The following MYH15 variants were observed in gnomAD, a reference collection of about 807,000 sequenced individuals.
MYH15 encodes the protein myosin-15.
In MYH15, 227 loss-of-function variants were observed where a neutral mutation model predicts 240.5. The observed-to-expected ratio is 0.94, with a 90% CI of 0.85 to 1.05. The LOEUF is 1.05. Among genes scored for constraint, MYH15 ranks in the 50% least tolerant of loss-of-function variants. The probability of loss-of-function intolerance (pLI) is 0.00; values close to 1 mark genes in which losing one functional copy is unlikely to be tolerated. For missense variants in MYH15, 2,217 were observed against 2,247.5 expected, an observed-to-expected ratio of 0.99 and a Z score of 0.27; for synonymous variants, 785 against 796.7, an observed-to-expected ratio of 0.99 and a Z score of 0.25.
At chr3:108,420,739 A>T (rs938300420) in intron 28 of MYH15, among the ~76,000 whole-genome samples, 10 of 152,196 alleles carry the variant, frequency 6.6e-5, no homozygotes, top group African/African-American at 1.2e-4. Flanking sequence ...TAAAAATTTT[A>T]AAAAATTTAA....
intron 32 of MYH15, among the ~76,000 whole-genome samples, chr3:108,405,892 T>G (rs761861532): frequency 3.5e-4 from 53 of 152,122 alleles, no homozygotes; most frequent in Non-Finnish European, 5.9e-4. Context: ...AGAGGAAAAG[T>G]TGGATGTATT....
At chr3:108,522,329 C>T (rs889886376) in intron 1 of MYH15, among the ~76,000 whole-genome samples, 3 of 151,928 alleles carry the variant, frequency 2.0e-5, no homozygotes, top group Non-Finnish European at 4.4e-5. Flanking sequence ...GGTGTGGTGA[C>T]CCTGGAGATT....
At chr3:108,381,753 G>C (rs2082344967) in intron 40 of MYH15, among the ~76,000 whole-genome samples, 194 bp from the exon 41 acceptor site, 1 of 152,158 alleles carries the variant, frequency 6.6e-6, no homozygotes. Context: ...TTCACCCCAA[G>C]GGCATGCTCG....
intron 39 of MYH15, 28 bp downstream of exon 39, chr3:108,384,659 T>C (rs764909040): frequency 9.4e-6 from 15 of 1,589,796 alleles, no homozygotes; most frequent in Non-Finnish European, 1.3e-5. Context: ...GGGAAATCCA[T>C]GAGGCTGAAA....
At chr3:108,491,615 G>A (rs1423288759) in intron 9 of MYH15, among the ~76,000 whole-genome samples, 2 of 151,762 alleles carry the variant, frequency 1.3e-5, no homozygotes, top group South Asian at 4.2e-4. Context: ...TTCCATCCAA[G>A]TCTCTGCCTC....
At chr3:108,482,774 C>T (rs2083276864) in intron 11 of MYH15, among the ~76,000 whole-genome samples, 1 of 152,064 alleles carries the variant, frequency 6.6e-6, no homozygotes, top group African/African-American at 2.4e-5. Flanking sequence ...TTGTATGGAA[C>T]TTGTTACGTA....
At chr3:108,497,127 G>C (rs941161555) in intron 6 of MYH15, among the ~76,000 whole-genome samples, 4 of 115,350 alleles carry the variant, frequency 3.5e-5, no homozygotes, top group African/African-American at 1.3e-4. Flanking sequence ...CACCACTGCA[G>C]TCCGGCCTGG....
At chr3:108,389,367 A>G (rs2082407018) in intron 37 of MYH15, among the ~76,000 whole-genome samples, 1 of 152,230 alleles carries the variant, frequency 6.6e-6, no homozygotes, top group South Asian at 2.1e-4. Context: ...GTATGAATGT[A>G]TATGTAAGTA....
At chr3:108,430,979 GTAGT>G (rs1321784311) in intron 25 of MYH15, 57 bp from the exon 26 acceptor site, 2 of 1,234,244 alleles carry the variant, frequency 1.6e-6, no homozygotes, top group Admixed American at 3.6e-5. Context: ...TTTGTTTAAA[GTAGT>G]TAGAATTGTA....
chr3:108,463,362 T>A (rs1462092091), intron 15 of MYH15, 119 bp from the exon 16 acceptor site: 1 of 1,078,544 alleles, frequency 9.3e-7, no homozygotes, highest in Non-Finnish European at 1.3e-6. Flanking sequence ...TTATCCAGGC[T>A]AGAATGCAGT....
intron 21 of MYH15, among the ~76,000 whole-genome samples, chr3:108,451,099 G>A (rs2082969794): frequency 6.6e-6 from 1 of 152,188 alleles, no homozygotes; most frequent in Admixed American, 6.5e-5. Flanking sequence ...AAATAATAAG[G>A]CCAGGTACAG....
chr3:108,389,064 A>G lies in MYH15; in HGVS notation c.5441T>C (p.Leu1814Pro). 5 of 1,613,900 alleles carry G rather than the reference A, an allele frequency of 3.1e-6. No homozygotes were observed. Among genetic ancestry groups the G allele is most frequent in the Non-Finnish European group, 4.2e-6 (5 of 1,179,850 alleles). The change falls in exon 38 of 41, where the codon CTG becomes CCG. Residue 1814 changes from leucine to proline, a missense_variant. By Grantham distance (98) the Leu-to-Pro change is moderately conservative. Transcript: ENST00000693548. Reference sequence around the variant, plus strand: ...GATTTCACCCTCCAGTTCACCTTCCAGTTCACGAACCTGCAACCAAAACGT... The same window carrying G: ...GATTTCACCCTCCAGTTCACCTTCCGGTTCACGAACCTGCAACCAAAACGT... ...IQKLESRVRE[L>P]EGELEGEIRR...
chr3:108,445,081 T>A (rs1283919501), intron 21 of MYH15, among the ~76,000 whole-genome samples, 186 bp from the exon 22 acceptor site: 1 of 152,174 alleles, frequency 6.6e-6, no homozygotes, highest in Non-Finnish European at 1.5e-5. Flanking sequence ...ATATCTGGGG[T>A]TAGCAGTATT....
rs761035350 is a variant in MYH15 at position 108,444,688 on chromosome 3, T to G, written c.2607A>C (p.Gln869His). ...EFQREELKAK[Q>H]VSLTQEKNDL... ...CATTTTTTTCCTGAGTGAGGGATACTTGCTTTGCTTTCAGTTCCTCCCTCT... is the reference window on the plus strand; with the variant it reads ...CATTTTTTTCCTGAGTGAGGGATACGTGCTTTGCTTTCAGTTCCTCCCTCT... Residue 869 changes from glutamine (Q) to histidine (H), a missense_variant, in exon 22 of 41, where the codon CAA becomes CAC. By Grantham distance (24) the Gln-to-His change is conservative. Transcript: ENST00000693548. 1 of 1,614,072 alleles carries G rather than the reference T, an allele frequency of 6.2e-7. No individual in the cohort carries two copies. The highest frequency in any genetic ancestry group is 1.1e-5 in the South Asian group (1 of 91,076).
intron 25 of MYH15, among the ~76,000 whole-genome samples, chr3:108,436,256 CT>C (rs1176736754): frequency 6.6e-6 from 1 of 152,186 alleles, no homozygotes. Context: ...TTACACTTTG[CT>C]GGTTATCATT....
rs111422319 is a variant in MYH15, at chr3:108,529,201, T to G, written c.-58+62A>C. 36 of 1,514,568 alleles carry G rather than the reference T, an allele frequency of 2.4e-5. 1 individual carries two copies. The African/African-American group carries it at 2.5e-4, about 10-fold the overall frequency. 93.8% of individuals were successfully genotyped at this position (1,514,568 alleles called of 1,614,324 possible). On this transcript the variant is annotated intron_variant, in intron 1 of 41. Transcript: ENST00000273353. ...CATCAAGAATAAAATTCTAGGCTGC[T>G]ACTGTCAGGCTATTCAGCATTCTGT...
At chr3:108,478,509 T>A (rs1230810991) in intron 11 of MYH15, among the ~76,000 whole-genome samples, 1 of 152,116 alleles carries the variant, frequency 6.6e-6, no homozygotes, top group Non-Finnish European at 1.5e-5. Context: ...AAATTGAGAA[T>A]CCAGTATGTC....
At chr3:108,419,676 T>G (rs1479399565) in intron 28 of MYH15, among the ~76,000 whole-genome samples, 1 of 152,238 alleles carries the variant, frequency 6.6e-6, no homozygotes, top group African/African-American at 2.4e-5. Context: ...TTCAGAGTCC[T>G]TAATAGAACC....
Position 108,485,180 on chromosome 3 carries a change from T to C in MYH15, c.1025A>G (p.Tyr342Cys), listed in dbSNP as rs771877706. The change falls in exon 11 of 41, where the codon TAT becomes TGT. Residue 342 changes from tyrosine (Y) to cysteine (C), a missense_variant. By Grantham distance (194) the Tyr-to-Cys change is radical (BLOSUM62 -2). Coordinates refer to ENST00000693548, the MANE Select transcript of MYH15 (RefSeq NM_014981.3). ...GTGCATGATGGCTCCAGTGAGTTTA[T>C]AGCATCCATACTTCTCATCAGGAAG... Reference protein sequence around the residue: ...GFLPDEKYGCYKLTGAIMHFG... With the variant: ...GFLPDEKYGCCKLTGAIMHFG... 5.0e-6 allele frequency: 8 copies of C among 1,614,036 alleles called. No homozygotes were observed. The East Asian group carries it at 1.1e-4, about 22-fold the overall frequency.
Sources: gnomAD v4.1 joint callset for allele counts (sites outside exome capture counted in the v4.1 genomes callset) on GRCh38, gnomAD v4.1.1 for gene constraint, MANE v1.5 for transcripts, NCBI Gene and HGNC (gene_info 2026-07-23, HGNC 2026-07-21) for gene names.